ST3GAL2: variants seen among roughly 807,000 people sequenced by gnomAD.
ST3GAL2 encodes the protein CMP-N-acetylneuraminate-beta-galactosamide-alpha-2,3-sialyltransferase 2.
Under a neutral mutation model 37.5 loss-of-function variants are expected in ST3GAL2, and 16 were observed. The ratio of observed to expected loss-of-function variants is 0.43; its 90% confidence interval spans 0.29 to 0.65. The LOEUF (loss-of-function observed/expected upper bound fraction) is 0.65. Among genes scored for constraint, ST3GAL2 ranks in the 30% least tolerant of loss-of-function variants. ST3GAL2 has a pLI of 0.17. For synonymous variants in ST3GAL2, 238 were observed against 202.9 expected, an observed-to-expected ratio of 1.17 and a Z score of -1.47; for missense variants, 383 against 487.8, an observed-to-expected ratio of 0.79 and a Z score of 2.02.
In ST3GAL2 at chr16:70,413,106, C is replaced by T. The variant is rs149203956; in HGVS notation, c.-1003-13573G>A. On this transcript the variant is annotated intron_variant, in intron 1 of 6. Coordinates refer to ENST00000342907, the MANE Select transcript of ST3GAL2 (RefSeq NM_006927.4). ...TCTACTAATAATACAAAAAATAAGC[C>T]GGGCATGGTGGCGGATGCCTGTAAT... 4.2e-3 allele frequency among the ~76,000 whole-genome samples: 633 copies of T among 151,400 alleles called. 4 individuals are homozygous for T. The highest frequency in any genetic ancestry group is 0.015 in the African/African-American group (601 of 41,240).
At chr16:70,428,820 G>C (rs572368794) in intron 1 of ST3GAL2, among the ~76,000 whole-genome samples, 6 of 152,192 alleles carry the variant, frequency 3.9e-5, no homozygotes, top group African/African-American at 1.4e-4. Flanking sequence ...CTGTGCGGCT[G>C]ACCCAGCGCC....
chr16:70,405,434 G>A (rs74608560), intron 1 of ST3GAL2, among the ~76,000 whole-genome samples: 1,793 of 150,694 alleles, frequency 0.012, 37 homozygotes, highest in African/African-American at 0.041. Context: ...CCAGATACTC[G>A]GAAGGCTGAG....
chr16:70,380,837 G>C lies in ST3GAL2; in HGVS notation c.*852C>G, dbSNP rs897241998. On this transcript the variant is annotated 3_prime_UTR_variant, in exon 7 of 7. Coordinates refer to ENST00000342907, the MANE Select transcript of ST3GAL2 (RefSeq NM_006927.4). ...CCCTCCCCAGGGGCCAGAGCCGGCC[G>C]AAGACTGGGGGTAGGGACGGAGTCG... is the stretch of plus-strand genomic sequence containing the variant. 6.5e-6 allele frequency: 1 copy of C among 153,236 alleles called. No individual in the cohort carries two copies. The highest frequency in any genetic ancestry group is 1.9e-4 in the East Asian group (1 of 5,230). 9.5% of individuals were successfully genotyped at this position (153,236 alleles called of 1,614,324 possible).
intron 1 of ST3GAL2, among the ~76,000 whole-genome samples, chr16:70,429,637 T>TC (rs1160507960): frequency 7.0e-6 from 1 of 141,928 alleles, no homozygotes; most frequent in Admixed American, 6.9e-5. Context: ...GGCTTTAAAT[T>TC]CTTTTTTTTT....
chr16:70,437,097 C>T (rs2047830537), intron 1 of ST3GAL2, among the ~76,000 whole-genome samples: 1 of 152,190 alleles, frequency 6.6e-6, no homozygotes. Flanking sequence ...CAGTGGCTCT[C>T]AGAAGCTTGG....
rs928628462 is a variant in ST3GAL2, at chr16:70,412,302, T to C, written c.-1003-12769A>G. On this transcript the variant is annotated intron_variant, in intron 1 of 6. Coordinates refer to ENST00000342907, the MANE Select transcript of ST3GAL2 (RefSeq NM_006927.4). ...AATGTTGATAAGATATTATTTGTGA[T>C]CTAATTGTCAATTCTTTGAATTCTT... Among the ~76,000 whole-genome samples, 5 of 152,228 alleles carry C rather than the reference T, an allele frequency of 3.3e-5. No individual in the cohort carries two copies. The East Asian group carries it at 5.8e-4, about 18-fold the overall frequency.
intron 4 of ST3GAL2, among the ~76,000 whole-genome samples, chr16:70,386,526 G>A (rs1313587938): frequency 1.3e-5 from 2 of 152,050 alleles, no homozygotes; most frequent in Non-Finnish European, 2.9e-5. Flanking sequence ...TTTTAGTAGA[G>A]ACAAGGTTTC....
rs1597552515 is a variant in ST3GAL2, at chr16:70,381,550, C to A, written c.*139G>T. On this transcript the variant is annotated 3_prime_UTR_variant, in exon 7 of 7. Coordinates refer to ENST00000342907, the MANE Select transcript of ST3GAL2 (RefSeq NM_006927.4). ...CAGATTGGTGCCAGGCCCGGCCGGTCCCCCAGTCTCGTGATTGGCGGGGCA... is the reference window on the plus strand; with the variant it reads ...CAGATTGGTGCCAGGCCCGGCCGGTACCCCAGTCTCGTGATTGGCGGGGCA... The A allele has an allele frequency of 2.9e-6, 3 of 1,041,432 alleles. No individual in the cohort carries two copies. Among genetic ancestry groups the A allele is most frequent in the East Asian group, 2.7e-5 (1 of 37,610 alleles). 64.5% of individuals were successfully genotyped at this position (1,041,432 alleles called of 1,614,324 possible). A position where few individuals can be genotyped will look rare whatever the true frequency, so the allele number is the denominator to read the frequency against.
intron 1 of ST3GAL2, among the ~76,000 whole-genome samples, chr16:70,417,932 T>C (rs1278583911): frequency 3.9e-5 from 6 of 152,116 alleles, no homozygotes; most frequent in Admixed American, 2.0e-4. Flanking sequence ...GTGCTGACAG[T>C]CCGCTCTGAT....
intron 1 of ST3GAL2, among the ~76,000 whole-genome samples, chr16:70,415,370 C>T (rs2047668884): frequency 6.6e-6 from 1 of 151,802 alleles, no homozygotes; most frequent in Admixed American, 6.6e-5. Context: ...TACTAGATTA[C>T]AGCCCTCCGG....
intron 1 of ST3GAL2, among the ~76,000 whole-genome samples, chr16:70,404,273 C>T (rs2047574253): frequency 6.6e-6 from 1 of 152,130 alleles, no homozygotes; most frequent in Non-Finnish European, 1.5e-5. Context: ...AAAAACAGCC[C>T]TGCATCTGGG....
At chr16:70,395,237 C>A in intron 2 of ST3GAL2, 62 bp from the exon 3 acceptor site, 1 of 1,446,212 alleles carries the variant, frequency 6.9e-7, no homozygotes, top group Non-Finnish European at 9.4e-7. Flanking sequence ...GAAGGAGGGG[C>A]CCCGGCCTCC....
At chr16:70,385,647 G>A (rs141390792) in intron 4 of ST3GAL2, among the ~76,000 whole-genome samples, 3 of 149,270 alleles carry the variant, frequency 2.0e-5, no homozygotes, top group Admixed American at 6.7e-5. Context: ...GGATCCGGGG[G>A]TATCTTTAGA....
intron 1 of ST3GAL2, chr16:70,400,285 A>G (rs2047546650): frequency 1.3e-5 from 2 of 152,374 alleles, no homozygotes; most frequent in Admixed American, 1.3e-4. Context: ...GGTCTCAGCC[A>G]TAAGGAAAGG....
intron 1 of ST3GAL2, among the ~76,000 whole-genome samples, chr16:70,409,248 C>G (rs928552477): frequency 1.3e-5 from 2 of 152,162 alleles, no homozygotes; most frequent in Non-Finnish European, 2.9e-5. Context: ...GCCTGGGCAA[C>G]AGAGTGAGAC....
At chr16:70,428,399 C>G (rs531413632) in intron 1 of ST3GAL2, among the ~76,000 whole-genome samples, 1 of 151,576 alleles carries the variant, frequency 6.6e-6, no homozygotes, top group South Asian at 2.1e-4. Flanking sequence ...AGGAGTCTAT[C>G]TCTTCCCTCT....
intron 1 of ST3GAL2, among the ~76,000 whole-genome samples, chr16:70,415,036 GCTAA>G (rs1259706891): frequency 6.6e-6 from 1 of 152,126 alleles, no homozygotes; most frequent in South Asian, 2.1e-4. Flanking sequence ...ACCAAACCTG[GCTAA>G]CTTTTTGTAT....
chr16:70,388,306 G>T, intron 4 of ST3GAL2, 61 bp downstream of exon 4: 1 of 1,603,766 alleles, frequency 6.2e-7, no homozygotes. Context: ...CTGGCCCCTA[G>T]AAGACTCTGC....
intron 3 of ST3GAL2, among the ~76,000 whole-genome samples, chr16:70,394,653 C>T (rs1435804304): frequency 6.6e-6 from 1 of 152,226 alleles, no homozygotes; most frequent in African/African-American, 2.4e-5. Context: ...GCTGGAATTA[C>T]AGGTGTGAAC....
Sources: allele counts gnomAD v4.1 joint callset (sites outside exome capture counted in the v4.1 genomes callset), GRCh38; gene constraint gnomAD v4.1.1; transcripts MANE v1.5; gene names NCBI Gene and HGNC (gene_info 2026-07-23, HGNC 2026-07-21).